The following KIAA0753 variants were observed in gnomAD, a reference collection of about 807,000 sequenced individuals.
KIAA0753 encodes KIAA0753.
In KIAA0753, 114 loss-of-function variants were observed where a neutral mutation model predicts 116.9. That is an observed-to-expected ratio of 0.98 (90% CI 0.84 to 1.14). The LOEUF (loss-of-function observed/expected upper bound fraction) is 1.14, where lower values mean the gene tolerates loss of function less well. Ranked by LOEUF, KIAA0753 falls within the 50% of genes most tolerant of loss-of-function variation. KIAA0753 has a pLI of 0.00. For missense variants in KIAA0753, 1,156 were observed against 1,172.4 expected, an observed-to-expected ratio of 0.99 and a Z score of 0.20; for synonymous variants, 405 against 413.1, an observed-to-expected ratio of 0.98 and a Z score of 0.24.
At chr17:6,615,415 T>A (rs1970826550) in intron 7 of KIAA0753, among the ~76,000 whole-genome samples, 1 of 152,018 alleles carries the variant, frequency 6.6e-6, no homozygotes, top group South Asian at 2.1e-4. Context: ...TCAGATATGC[T>A]GAAGAAGCTG....
intron 2 of KIAA0753, among the ~76,000 whole-genome samples, chr17:6,631,252 C>T (rs1972007486): frequency 6.6e-6 from 1 of 152,094 alleles, no homozygotes; most frequent in South Asian, 2.1e-4. Flanking sequence ...AAAAATTAAC[C>T]CCAGTAACTT....
chr17:6,580,611 C>T (rs1447756686), intron 18 of KIAA0753, among the ~76,000 whole-genome samples: 1 of 152,102 alleles, frequency 6.6e-6, no homozygotes, highest in African/African-American at 2.4e-5. Flanking sequence ...CCACTGTGCC[C>T]GGCCAAGATA....
intron 18 of KIAA0753, among the ~76,000 whole-genome samples, chr17:6,582,995 C>T (rs1460626970): frequency 6.6e-6 from 1 of 152,126 alleles, no homozygotes; most frequent in Non-Finnish European, 1.5e-5. Context: ...TCACTTTAAC[C>T]TACCTATTTA....
At chr17:6,580,316 C>CTT (rs1555566506) in intron 18 of KIAA0753, among the ~76,000 whole-genome samples, 5 of 139,340 alleles carry the variant, frequency 3.6e-5, no homozygotes, top group Admixed American at 7.4e-5. Context: ...AGCCAAGATA[C>CTT]TTTTTTTTTT....
rs1258767290 is a variant in KIAA0753 at position 6,632,004 on chromosome 17, T to TCCCAAGTAGCTGAGATTATAGGTGTGCA, written c.93+2979_93+3006dup. Among the ~76,000 whole-genome samples the TCCCAAGTAGCTGAGATTATAGGTGTGCA allele has an allele frequency of 9.1e-4, 139 of 152,284 alleles. 1 individual carries two copies. Among genetic ancestry groups the TCCCAAGTAGCTGAGATTATAGGTGTGCA allele is most frequent in the African/African-American group, 3.2e-3 (133 of 41,548 alleles). ...TTCAAGTGATTCTACTGCCTCGGCC[T>TCCCAAGTAGCTGAGATTATAGGTGTGCA]CCCAAGTAGCTGAGATTATAGGTGT... On this transcript the variant is annotated intron_variant, in intron 2 of 18. Coordinates refer to ENST00000361413, the MANE Select transcript of KIAA0753 (RefSeq NM_014804.3).
At chr17:6,589,127 C>T (rs1202488806) in intron 18 of KIAA0753, among the ~76,000 whole-genome samples, 2 of 152,188 alleles carry the variant, frequency 1.3e-5, no homozygotes, top group South Asian at 2.1e-4. Context: ...CCCCCATATT[C>T]GTATGTTGAA....
Position 6,604,470 on chromosome 17 carries a change from T to C in KIAA0753, c.2009+2403A>G, listed in dbSNP as rs142852135. 6.1e-4 allele frequency among the ~76,000 whole-genome samples: 93 copies of C among 152,230 alleles called. 2 individuals are homozygous for C. Among genetic ancestry groups the C allele is most frequent in the East Asian group, 5.0e-3 (26 of 5,164 alleles). On this transcript the variant is annotated intron_variant, in intron 12 of 18. Transcript: ENST00000361413. Reference sequence around the variant, plus strand: ...AATACTACTCAGCAACAAAAAGGGATGAACTACTGATACATGTGATGAGCT... The same window carrying C: ...AATACTACTCAGCAACAAAAAGGGACGAACTACTGATACATGTGATGAGCT...
chr17:6,637,160 T>A (rs1216233351), intron 1 of KIAA0753: 3 of 152,362 alleles, frequency 2.0e-5, no homozygotes, highest in Non-Finnish European at 4.4e-5. Flanking sequence ...CTCAGCACGG[T>A]CAGACCTGAG....
chr17:6,596,893 C>G (rs149381868), intron 14 of KIAA0753, among the ~76,000 whole-genome samples: 1 of 152,316 alleles, frequency 6.6e-6, no homozygotes, highest in African/African-American at 2.4e-5. Context: ...TTTACATGCT[C>G]TGTATTTCTC....
chr17:6,622,011 G>A (rs1165449788), intron 6 of KIAA0753, among the ~76,000 whole-genome samples: 3 of 152,048 alleles, frequency 2.0e-5, no homozygotes, highest in African/African-American at 7.2e-5. Context: ...CCAAGAGCTG[G>A]TTAATGGTGG....
chr17:6,606,517 A>G (rs757118186), intron 12 of KIAA0753, among the ~76,000 whole-genome samples: 4 of 152,342 alleles, frequency 2.6e-5, no homozygotes, highest in South Asian at 2.1e-4. Flanking sequence ...CTATATGTTG[A>G]TTCACATGAG....
At chr17:6,580,949 C>T (rs1160391333) in intron 18 of KIAA0753, among the ~76,000 whole-genome samples, 3 of 150,936 alleles carry the variant, frequency 2.0e-5, no homozygotes, top group South Asian at 2.1e-4. Context: ...TTCTGAACGG[C>T]GCAAGCTTCG....
intron 18 of KIAA0753, among the ~76,000 whole-genome samples, chr17:6,582,079 G>A (rs185244663): frequency 3.1e-4 from 47 of 152,236 alleles, no homozygotes; most frequent in Admixed American, 9.8e-4. Flanking sequence ...CTATTTCTAC[G>A]TCTATAAAAA....
intron 7 of KIAA0753, among the ~76,000 whole-genome samples, chr17:6,614,023 A>G (rs1410902968): frequency 6.6e-6 from 1 of 152,254 alleles, no homozygotes; most frequent in Non-Finnish European, 1.5e-5. Context: ...AAACAATCCA[A>G]TAGAGAAATA....
chr17:6,622,393 A>C (rs190895391), intron 6 of KIAA0753, among the ~76,000 whole-genome samples: 1 of 152,380 alleles, frequency 6.6e-6, no homozygotes, highest in Non-Finnish European at 1.5e-5. Context: ...AACTAAGAAC[A>C]CTATCAATTC....
intron 7 of KIAA0753, among the ~76,000 whole-genome samples, chr17:6,616,727 G>A (rs1235928186): frequency 6.6e-6 from 1 of 152,244 alleles, no homozygotes; most frequent in East Asian, 1.9e-4. Flanking sequence ...TTGGGAGGCT[G>A]AGGCAGGAGA....
intron 8 of KIAA0753, among the ~76,000 whole-genome samples, chr17:6,610,538 A>T (rs1360926811): frequency 0.013 from 651 of 49,628 alleles, 4 homozygotes; most frequent in Non-Finnish European, 0.021. Context: ...TTTTTTTTTA[A>T]GAGACAGGGT....
chr17:6,582,241 G>T (rs1222002017), intron 18 of KIAA0753, among the ~76,000 whole-genome samples: 1 of 152,180 alleles, frequency 6.6e-6, no homozygotes, highest in South Asian at 2.1e-4. Context: ...CTAGAATCCA[G>T]TTATGTGTTT....
intron 16 of KIAA0753, among the ~76,000 whole-genome samples, chr17:6,591,058 A>AG (rs1382436774): frequency 0.11 from 4,831 of 42,790 alleles, 364 homozygotes; most frequent in East Asian, 0.34. Context: ...AAGAAGAAGA[A>AG]GAAGAAGAAG....
Sources: gnomAD v4.1 joint callset for allele counts (sites outside exome capture counted in the v4.1 genomes callset) on GRCh38, gnomAD v4.1.1 for gene constraint, MANE v1.5 for transcripts, NCBI Gene and HGNC (gene_info 2026-07-23, HGNC 2026-07-21) for gene names.